The following TBX18 variants were observed in gnomAD, a reference collection of about 807,000 sequenced individuals.
TBX18 encodes T-box transcription factor TBX18.
Under a neutral mutation model 55.0 loss-of-function variants are expected in TBX18, and 21 were observed. The observed-to-expected ratio is 0.38, with a 90% CI of 0.27 to 0.55. TBX18 has a LOEUF of 0.55. TBX18 is among the 20% of genes least tolerant of loss of function. The pLI is 0.73. For missense variants in TBX18, 840 were observed against 799.6 expected, an observed-to-expected ratio of 1.05 and a Z score of -0.61; for synonymous variants, 342 against 326.1, an observed-to-expected ratio of 1.05 and a Z score of -0.53.
intron 4 of TBX18, among the ~76,000 whole-genome samples, chr6:84,750,604 G>T (rs556918077): frequency 6.6e-6 from 1 of 152,228 alleles, no homozygotes; most frequent in Non-Finnish European, 1.5e-5. Flanking sequence ...AGAGACTTCT[G>T]AATCCTTAAG....
rs558686916 is a variant in TBX18 at position 84,746,976 on chromosome 6, C to T, written c.939+944G>A. On this transcript the variant is annotated intron_variant, in intron 5 of 7. Coordinates refer to ENST00000369663, the MANE Select transcript of TBX18 (RefSeq NM_001080508.3). ...TGAGTGTGAGAGGACAGGACAGCTT[C>T]GGTTGTGATACTGATGTCTCCATAC... 9.9e-5 allele frequency among the ~76,000 whole-genome samples: 15 copies of T among 152,048 alleles called. No homozygotes were observed. The East Asian group carries it at 2.7e-3, about 27-fold the overall frequency.
chr6:84,740,374 C>T (rs1279561626), intron 6 of TBX18, among the ~76,000 whole-genome samples: 1 of 152,172 alleles, frequency 6.6e-6, no homozygotes, highest in Admixed American at 6.5e-5. Flanking sequence ...ACTTCAGTTT[C>T]TCACAAAGAA....
chr6:84,740,363 G>C (rs1040743255), intron 6 of TBX18, among the ~76,000 whole-genome samples: 1 of 151,978 alleles, frequency 6.6e-6, no homozygotes, highest in African/African-American at 2.4e-5. Flanking sequence ...AATCTCCCTG[G>C]ACTTCAGTTT....
chr6:84,732,580 A>C lies in TBX18; in HGVS notation c.*4105T>G, dbSNP rs1031579392. On this transcript the variant is annotated 3_prime_UTR_variant, in exon 8 of 8. Coordinates refer to ENST00000369663, the MANE Select transcript of TBX18 (RefSeq NM_001080508.3). ...TAGACTGCTATACTTATTTCAAAAC[A>C]AAATAATTTAATGCCATGCAATTAA... is the stretch of plus-strand genomic sequence containing the variant. 6.6e-6 allele frequency: 1 copy of C among 152,154 alleles called. No individual in the cohort carries two copies. The highest frequency in any genetic ancestry group is 6.5e-5 in the Admixed American group (1 of 15,282). The allele number at this position is 152,154 out of a possible 1,614,324, so 9.4% of individuals were successfully genotyped here. A position where few individuals can be genotyped will look rare whatever the true frequency, so the allele number is the denominator to read the frequency against.
chr6:84,739,799 A>T (rs971719666), intron 6 of TBX18, among the ~76,000 whole-genome samples: 1 of 152,212 alleles, frequency 6.6e-6, no homozygotes, highest in Non-Finnish European at 1.5e-5. Context: ...TCTAAACACC[A>T]GAGGTAAGTG....
At position 84,733,605 on chromosome 6, in the gene TBX18, CAG is replaced by C. The variant is rs1773860673; in HGVS notation, c.*3078_*3079del. 6.6e-6 allele frequency: 1 copy of C among 152,166 alleles called. No individual in the cohort carries two copies. Among genetic ancestry groups the C allele is most frequent in the Non-Finnish European group, 1.5e-5 (1 of 68,040 alleles). The allele number at this position is 152,166 out of a possible 1,614,324, so 9.4% of individuals were successfully genotyped here. ...TGCACCAGGACTTCATGGGACACTG[CAG>C]AGTTTAGTTAGGGATCTCTCTTCTT... is the stretch of plus-strand genomic sequence containing the variant. On this transcript the variant is annotated 3_prime_UTR_variant, in exon 8 of 8. Coordinates refer to ENST00000369663, the MANE Select transcript of TBX18 (RefSeq NM_001080508.3).
chr6:84,764,333 G>A lies in TBX18; in HGVS notation c.-152C>T. 3 of 1,115,922 alleles carry A rather than the reference G, an allele frequency of 2.7e-6. No individual in the cohort carries two copies. Among genetic ancestry groups the A allele is most frequent in the Non-Finnish European group, 2.4e-6 (2 of 845,098 alleles). The allele number at this position is 1,115,922 out of a possible 1,614,324, so 69.1% of individuals were successfully genotyped here. A position where few individuals can be genotyped will look rare whatever the true frequency, so the allele number is the denominator to read the frequency against. On this transcript the variant is annotated 5_prime_UTR_variant, in exon 1 of 8. In the 5' UTR this introduces an upstream ATG that the reference lacks. Coordinates refer to ENST00000369663, the MANE Select transcript of TBX18 (RefSeq NM_001080508.3). ...ACCGCGGGCAAAAAACAGATTTGGC[G>A]TTTCCGCTTTCTCGCTTGTGTTGGG...
At position 84,762,648 on chromosome 6, in the gene TBX18, G is replaced by A. The variant is rs1314718599; in HGVS notation, c.393C>T (p.Thr131=). Residue 131 remains threonine (T), a synonymous_variant, in exon 2 of 8, where the codon ACC becomes ACT. Transcript: ENST00000369663. ...GCGGGGCCTGCGGCGAGGGCAGAGG[G>A]GTCCCGGGCCGGGCCAGGGAGCGCG... ...SPARSLARPG[T]PLPSPQAPRV... The A allele has an allele frequency of 1.2e-6, 2 of 1,611,036 alleles. No individual in the cohort carries two copies.
chr6:84,747,217 G>A (rs1055432732), intron 5 of TBX18, among the ~76,000 whole-genome samples: 25 of 151,268 alleles, frequency 1.7e-4, no homozygotes, highest in African/African-American at 5.3e-4. Flanking sequence ...AGGCCACATC[G>A]GCTTATATTA....
chr6:84,749,488 T>A (rs74452082), intron 4 of TBX18, among the ~76,000 whole-genome samples: 1 of 24,714 alleles, frequency 4.0e-5, no homozygotes, highest in Non-Finnish European at 1.2e-4. Flanking sequence ...TTTTTTTTTC[T>A]TTTTTTTTTT....
Position 84,758,006 on chromosome 6 carries a change from T to C in TBX18, c.600-1137A>G, listed in dbSNP as rs138077334. 1.7e-3 allele frequency among the ~76,000 whole-genome samples: 263 copies of C among 152,310 alleles called. 2 individuals carry two copies. Among genetic ancestry groups the C allele is most frequent in the African/African-American group, 5.8e-3 (242 of 41,560 alleles). The stretch of plus-strand genomic sequence containing the variant: ...AACGTCTCTGATGAGGCCCTTTGTT[T>C]CAATTCTTTGTCACATATTTCATTT... On this transcript the variant is annotated intron_variant, in intron 3 of 7. Transcript: ENST00000369663.
At chr6:84,762,812 G>C (rs753984237) in intron 1 of TBX18, 64 bp from the exon 2 acceptor site, 61 of 1,493,912 alleles carry the variant, frequency 4.1e-5, no homozygotes, top group Non-Finnish European at 5.2e-5. Context: ...CAGCCGCGGA[G>C]ACGGGCCCAC....
intron 6 of TBX18, among the ~76,000 whole-genome samples, chr6:84,740,091 G>C (rs1242111529): frequency 6.6e-6 from 1 of 152,200 alleles, no homozygotes; most frequent in Non-Finnish European, 1.5e-5. Flanking sequence ...TGGGGGTGCA[G>C]CTCTGAGGGC....
chr6:84,744,356 T>C (rs1313198441), intron 5 of TBX18, 31 bp from the exon 6 acceptor site: 2 of 1,595,236 alleles, frequency 1.3e-6, no homozygotes, highest in East Asian at 4.5e-5. Context: ...ATATCAAATC[T>C]TATATAAATG....
rs1773892606 is a variant in TBX18, at chr6:84,734,679, C to G, written c.*2006G>C. ...ATATTGTGGTATCATCTGAAATGAT[C>G]AACGGCAAGAAGGAAAATGCTCTTA... On this transcript the variant is annotated 3_prime_UTR_variant, in exon 8 of 8. Transcript: ENST00000369663. 6.6e-6 allele frequency: 1 copy of G among 152,476 alleles called. No homozygotes were observed. The highest frequency in any genetic ancestry group is 1.5e-5 in the Non-Finnish European group (1 of 68,000). 9.4% of individuals were successfully genotyped at this position (152,476 alleles called of 1,614,324 possible).
At position 84,744,359 on chromosome 6, in the gene TBX18, T is replaced by C. The variant is rs769378410; in HGVS notation, c.940-34A>G. 37 of 1,593,154 alleles carry C rather than the reference T, an allele frequency of 2.3e-5. No individual in the cohort carries two copies. The South Asian group carries it at 3.4e-4, about 15-fold the overall frequency. ...TAGGAAAAAAAAATATCAAATCTTA[T>C]ATAAATGTCAAGCAAGTTTTTACTT... On this transcript the variant is annotated intron_variant, in intron 5 of 7. Coordinates refer to ENST00000369663, the MANE Select transcript of TBX18 (RefSeq NM_001080508.3).
At chr6:84,749,062 T>C (rs1006554715) in intron 4 of TBX18, among the ~76,000 whole-genome samples, 1 of 152,192 alleles carries the variant, frequency 6.6e-6, no homozygotes, top group Non-Finnish European at 1.5e-5. Context: ...TAAACAGTGA[T>C]TGCCTCTAGA....
intron 4 of TBX18, among the ~76,000 whole-genome samples, chr6:84,751,513 G>T (rs924057258): frequency 1.3e-5 from 2 of 152,160 alleles, no homozygotes; most frequent in Non-Finnish European, 2.9e-5. Flanking sequence ...GAATGTTTTA[G>T]GGATGGAGAA....
intron 5 of TBX18, among the ~76,000 whole-genome samples, chr6:84,747,353 T>G (rs1284037330): frequency 2.6e-5 from 4 of 152,194 alleles, no homozygotes; most frequent in Non-Finnish European, 5.9e-5. Flanking sequence ...TTTACCCATA[T>G]AGAAAGGAAA....
Sources: gnomAD v4.1 joint callset for allele counts (sites outside exome capture counted in the v4.1 genomes callset) on GRCh38, gnomAD v4.1.1 for gene constraint, MANE v1.5 for transcripts, NCBI Gene and HGNC (gene_info 2026-07-23, HGNC 2026-07-21) for gene names.